SGCD: variants seen among roughly 807,000 people sequenced by gnomAD.
SGCD encodes the protein delta-sarcoglycan.
In SGCD, 18 loss-of-function variants were observed where a neutral mutation model predicts 36.6. The ratio of observed to expected loss-of-function variants is 0.49; its 90% CI spans 0.34 to 0.73. The LOEUF is 0.73. SGCD is among the 30% of genes least tolerant of loss of function. SGCD has a pLI of 0.01. For synonymous variants in SGCD, 133 were observed against 130.6 expected, an observed-to-expected ratio of 1.02 and a Z score of -0.12; for missense variants, 387 against 346.7, an observed-to-expected ratio of 1.12 and a Z score of -0.92.
intron 1 of SGCD, among the ~76,000 whole-genome samples, chr5:156,033,452 ACT>A (rs1759406098): frequency 6.6e-6 from 1 of 151,958 alleles, no homozygotes; most frequent in African/African-American, 2.4e-5. Flanking sequence ...GTGTGTACCC[ACT>A]GTTTTGTCCC....
chr5:156,335,746 T>C (rs4705008), intron 2 of SGCD, among the ~76,000 whole-genome samples: 66,516 of 151,882 alleles, frequency 0.44, 14,914 homozygotes, highest in East Asian at 0.79. Flanking sequence ...ACCTTGGGGT[T>C]CTCCTTGACT....
intron 3 of SGCD, among the ~76,000 whole-genome samples, chr5:156,486,397 A>G (rs1197373534): frequency 6.6e-6 from 1 of 152,124 alleles, no homozygotes; most frequent in Non-Finnish European, 1.5e-5. Context: ...TGCCACTGAT[A>G]ACAACCCTGC....
chr5:156,532,153 T>C (rs993842343), intron 4 of SGCD, among the ~76,000 whole-genome samples: 7 of 152,118 alleles, frequency 4.6e-5, no homozygotes, highest in Non-Finnish European at 1.0e-4. Flanking sequence ...AAAACTGTTC[T>C]GTTCTTGAGA....
chr5:156,205,322 G>A (rs1764248919), intron 3 of SGCD, among the ~76,000 whole-genome samples: 1 of 152,050 alleles, frequency 6.6e-6, no homozygotes, highest in Non-Finnish European at 1.5e-5. Context: ...ACAGGTTACA[G>A]TTGACATAAA....
intron 1 of SGCD, among the ~76,000 whole-genome samples, chr5:156,084,887 T>C (rs987840602): frequency 6.6e-6 from 1 of 152,202 alleles, no homozygotes; most frequent in African/African-American, 2.4e-5. Context: ...TGCTGTGAAT[T>C]TTATCATGAA....
the SGCD span, among the ~76,000 whole-genome samples, chr5:155,844,183 G>A: frequency 6.6e-6 from 1 of 152,024 alleles, no homozygotes; most frequent in Non-Finnish European, 1.5e-5. Flanking sequence ...TTCTGACCTA[G>A]CATGTCTTCT....
intron 3 of SGCD, among the ~76,000 whole-genome samples, chr5:156,410,928 A>C (rs1027441627): frequency 1.3e-5 from 2 of 152,160 alleles, no homozygotes; most frequent in Non-Finnish European, 2.9e-5. Context: ...TGAAAAAAAA[A>C]CATACAAAGG....
intron 3 of SGCD, among the ~76,000 whole-genome samples, chr5:156,440,534 C>T (rs1420256815): frequency 6.6e-6 from 1 of 152,108 alleles, no homozygotes; most frequent in East Asian, 1.9e-4. Flanking sequence ...TGAGGAACTG[C>T]TGTACTATTT....
At chr5:156,718,644 A>C (rs571574212) in intron 7 of SGCD, among the ~76,000 whole-genome samples, 1 of 151,920 alleles carries the variant, frequency 6.6e-6, no homozygotes, top group East Asian at 1.9e-4. Flanking sequence ...ATTATTTTAT[A>C]TAGGGATAAT....
the SGCD span, among the ~76,000 whole-genome samples, chr5:155,784,151 G>T: frequency 3.3e-5 from 5 of 152,142 alleles, no homozygotes; most frequent in Non-Finnish European, 7.3e-5. Flanking sequence ...GCAGAAGCCT[G>T]GGGTACTCTG....
intron 3 of SGCD, among the ~76,000 whole-genome samples, chr5:156,304,500 C>T (rs898786019): frequency 5.9e-5 from 9 of 152,302 alleles, no homozygotes; most frequent in South Asian, 4.1e-4. Context: ...GCTCCCCCAG[C>T]CACGTGGAAC....
intron 3 of SGCD, among the ~76,000 whole-genome samples, chr5:156,423,184 A>ATATTTTAT (rs1561685199): frequency 3.1e-4 from 24 of 77,406 alleles, no homozygotes; most frequent in East Asian, 6.5e-4. Context: ...ATAATTAATT[A>ATATTTTAT]TATAATATAA....
At chr5:155,742,546 A>G in the SGCD span, among the ~76,000 whole-genome samples, 2 of 152,232 alleles carry the variant, frequency 1.3e-5, no homozygotes, top group East Asian at 1.9e-4. Context: ...GTGAGTATCA[A>G]TGTTTGAGGT....
intron 1 of SGCD, among the ~76,000 whole-genome samples, chr5:155,948,019 G>A (rs1175645774): frequency 1.3e-5 from 2 of 152,158 alleles, no homozygotes; most frequent in Admixed American, 1.3e-4. Flanking sequence ...GCTCACTCCT[G>A]TAATCCCAGC....
At chr5:156,603,927 G>C (rs1284968016) in intron 6 of SGCD, among the ~76,000 whole-genome samples, 1 of 152,000 alleles carries the variant, frequency 6.6e-6, no homozygotes, top group African/African-American at 2.4e-5. Flanking sequence ...CTATGGTACA[G>C]TTTAAGTCTA....
rs79478288 is a variant in SGCD, at chr5:155,966,498, A to G, written c.-282+96074A>G. ...GCTAGGCAAAAGTCAAGTTGTTTTC[A>G]TGATGGCATTTGGCAGCATTTCTCT... On this transcript the variant is annotated intron_variant, in intron 1 of 9. Coordinates refer to the SGCD transcript ENST00000517913. 7.6e-4 allele frequency among the ~76,000 whole-genome samples: 116 copies of G among 152,292 alleles called. 1 individual carries two copies. The East Asian group carries it at 0.022, about 29-fold the overall frequency.
At chr5:156,358,629 G>A (rs1234254916) in intron 3 of SGCD, among the ~76,000 whole-genome samples, 41 of 152,132 alleles carry the variant, frequency 2.7e-4, no homozygotes, top group Non-Finnish European at 1.5e-5. Context: ...TGTCTAATGG[G>A]GAAGGGATTG....
intron 3 of SGCD, among the ~76,000 whole-genome samples, chr5:156,442,770 T>C (rs903486615): frequency 3.3e-5 from 5 of 152,202 alleles, no homozygotes; most frequent in African/African-American, 1.2e-4. Flanking sequence ...TTGTATCAGG[T>C]ACCATGGAAT....
chr5:156,721,102 G>A (rs951234055), intron 7 of SGCD, among the ~76,000 whole-genome samples: 5 of 152,208 alleles, frequency 3.3e-5, no homozygotes, highest in Admixed American at 3.3e-4. Flanking sequence ...AGCGGAAACG[G>A]GGAAGGCTCT....
Sources: gnomAD v4.1 joint callset for allele counts (sites outside exome capture counted in the v4.1 genomes callset) on GRCh38, gnomAD v4.1.1 for gene constraint, MANE v1.5 for transcripts, NCBI Gene and HGNC (gene_info 2026-07-23, HGNC 2026-07-21) for gene names.